GSE1: variants seen among roughly 807,000 people sequenced by gnomAD.
GSE1 encodes Gse1 coiled-coil protein.
A neutral mutation model predicts 112.6 loss-of-function variants in GSE1; 32 were observed. The observed-to-expected ratio is 0.28, with a 90% CI of 0.21 to 0.38. GSE1 has a LOEUF of 0.38. Among genes scored for constraint, GSE1 ranks in the 10% least tolerant of loss-of-function variants. GSE1 has a pLI of 1.00. For synonymous variants in GSE1, 1,115 were observed against 735.6 expected, an observed-to-expected ratio of 1.52 and a Z score of -8.35; for missense variants, 2,348 against 1,699.2, an observed-to-expected ratio of 1.38 and a Z score of -6.71.
At chr16:85,621,528 A>G (rs2048743225) in intron 1 of GSE1, among the ~76,000 whole-genome samples, 1 of 152,188 alleles carries the variant, frequency 6.6e-6, no homozygotes, top group Non-Finnish European at 1.5e-5. Context: ...AGGACTAAGG[A>G]AGTTAATCCA....
chr16:85,185,125 C>G (rs141625938), intron 1 of GSE1: 1 of 152,204 alleles, frequency 6.6e-6, no homozygotes, highest in Non-Finnish European at 1.5e-5. Flanking sequence ...TCAGATGAAT[C>G]GGCGCTGTTT....
intron 2 of GSE1, among the ~76,000 whole-genome samples, chr16:85,478,843 CTTTCTTTCTTTCTTTCTTTCTTTCTT>C (rs1258205669): frequency 2.4e-4 from 1 of 4,178 alleles, no homozygotes; most frequent in African/African-American, 6.0e-4. Context: ...CATTTATTTT[CTTTCTTTCTTTCTTTCTTTCTTTCTT>C]TCTTTCTTTC....
intron 1 of GSE1, among the ~76,000 whole-genome samples, chr16:85,591,697 C>T (rs780587934): frequency 6.6e-6 from 1 of 152,248 alleles, no homozygotes; most frequent in African/African-American, 2.4e-5. Context: ...GGGACTCCGT[C>T]GGCTCCTTTT....
chr16:85,446,310 T>TGA (rs1168514938), intron 2 of GSE1, among the ~76,000 whole-genome samples: 1 of 152,196 alleles, frequency 6.6e-6, no homozygotes, highest in East Asian at 1.9e-4. Flanking sequence ...CTCTCAGCTG[T>TGA]GAGACCTTGG....
At chr16:85,420,096 G>A (rs1351157439) in intron 2 of GSE1, among the ~76,000 whole-genome samples, 1 of 122,518 alleles carries the variant, frequency 8.2e-6, no homozygotes, top group African/African-American at 2.9e-5. Flanking sequence ...ACTGAGCAGT[G>A]TGCTCAGGCC....
intron 2 of GSE1, among the ~76,000 whole-genome samples, chr16:85,491,080 G>T (rs570566504): frequency 2.0e-5 from 3 of 152,206 alleles, no homozygotes; most frequent in African/African-American, 7.2e-5. Flanking sequence ...GGCGCCGGGG[G>T]AGGGGTACAG....
At position 85,655,709 on chromosome 16, in the gene GSE1, C is replaced by G; in HGVS notation, c.798-17C>G. 1 of 1,563,760 alleles carries G rather than the reference C, an allele frequency of 6.4e-7. No individual in the cohort carries two copies. The highest frequency in any genetic ancestry group is 8.7e-7 in the Non-Finnish European group (1 of 1,149,256). ...CTTGGTTCATTTGCTGCTCACAGCC[C>G]CGTCTTCTCTGCACAGGATGGACGA... On this transcript the variant is annotated splice_polypyrimidine_tract_variant and intron_variant, in intron 5 of 15. Coordinates refer to ENST00000253458, the MANE Select transcript of GSE1 (RefSeq NM_014615.5).
chr16:85,200,715 A>C (rs1057051509), intron 1 of GSE1, among the ~76,000 whole-genome samples: 1 of 152,050 alleles, frequency 6.6e-6, no homozygotes, highest in African/African-American at 2.4e-5. Flanking sequence ...GGTCACACAA[A>C]CCTCAACAAT....
chr16:85,408,218 T>A (rs192413946), intron 2 of GSE1, among the ~76,000 whole-genome samples: 7 of 7,750 alleles, frequency 9.0e-4, no homozygotes, highest in Admixed American at 1.4e-3. Flanking sequence ...TCACTGTTAC[T>A]CTCAGGCCCC....
At chr16:85,384,972 C>T (rs1025386817) in intron 2 of GSE1, among the ~76,000 whole-genome samples, 7 of 152,266 alleles carry the variant, frequency 4.6e-5, no homozygotes, top group Non-Finnish European at 8.8e-5. Context: ...GTGCTGTGCA[C>T]ACCTGCCCCG....
intron 2 of GSE1, among the ~76,000 whole-genome samples, chr16:85,430,816 C>T (rs1321990346): frequency 6.6e-6 from 1 of 152,214 alleles, no homozygotes; most frequent in Non-Finnish European, 1.5e-5. Context: ...CCCCACTTAG[C>T]GGGCAGCAGA....
intron 2 of GSE1, among the ~76,000 whole-genome samples, chr16:85,450,802 T>C (rs1191945455): frequency 6.6e-6 from 1 of 151,008 alleles, no homozygotes. Context: ...GGTTCACATC[T>C]GTGATCCCAG....
At chr16:85,671,397 G>C (rs897423233) in intron 15 of GSE1, among the ~76,000 whole-genome samples, 27 of 129,450 alleles carry the variant, frequency 2.1e-4, no homozygotes, top group African/African-American at 8.0e-4. Context: ...CCGAGATTGC[G>C]CCACTGCACT....
At chr16:85,250,800 C>T (rs1047026871) in intron 1 of GSE1, among the ~76,000 whole-genome samples, 14 of 151,654 alleles carry the variant, frequency 9.2e-5, no homozygotes, top group Non-Finnish European at 1.9e-4. Context: ...CCAAAAGAAG[C>T]CCTGCATCCT....
intron 1 of GSE1, among the ~76,000 whole-genome samples, chr16:85,208,758 ATGGGGG>A (rs1301899125): frequency 9.6e-6 from 1 of 104,500 alleles, no homozygotes; most frequent in African/African-American, 3.7e-5. Context: ...AGATTAGCGG[ATGGGGG>A]TGGGGGTGGG....
At chr16:85,402,769 A>C (rs1019808550) in intron 2 of GSE1, among the ~76,000 whole-genome samples, 3 of 151,918 alleles carry the variant, frequency 2.0e-5, no homozygotes, top group African/African-American at 7.3e-5. Context: ...AAAAAATACA[A>C]AAGTTATCCG....
intron 2 of GSE1, among the ~76,000 whole-genome samples, chr16:85,414,036 G>C (rs1198035852): frequency 6.6e-6 from 1 of 152,210 alleles, no homozygotes; most frequent in African/African-American, 2.4e-5. Flanking sequence ...ATGCAGAACT[G>C]TGAATCCATT....
intron 2 of GSE1, among the ~76,000 whole-genome samples, chr16:85,438,110 G>A (rs1023731571): frequency 1.3e-5 from 2 of 152,188 alleles, no homozygotes; most frequent in African/African-American, 4.8e-5. Flanking sequence ...ACCTTTCTCT[G>A]TGTCCCCCGG....
At chr16:85,221,252 G>A (rs1457551382) in intron 1 of GSE1, among the ~76,000 whole-genome samples, 1 of 151,968 alleles carries the variant, frequency 6.6e-6, no homozygotes, top group African/African-American at 2.4e-5. Context: ...CCCACTGTGC[G>A]GCTGGTTTGC....
Sources: allele counts gnomAD v4.1 joint callset (sites outside exome capture counted in the v4.1 genomes callset), GRCh38; gene constraint gnomAD v4.1.1; transcripts MANE v1.5; gene names NCBI Gene and HGNC (gene_info 2026-07-23, HGNC 2026-07-21).